PSD3: variants seen among roughly 807,000 people sequenced by gnomAD.
PSD3 encodes PH and SEC7 domain-containing protein 3.
In PSD3, 49 loss-of-function variants were observed where a neutral mutation model predicts 105.5. The observed-to-expected ratio is 0.46, with a 90% CI of 0.37 to 0.59. The LOEUF (loss-of-function observed/expected upper bound fraction) is 0.59. Among genes scored for constraint, PSD3 ranks in the 20% least tolerant of loss-of-function variants. PSD3 has a pLI of 0.00. For missense variants in PSD3, 1,561 were observed against 1,263.8 expected (o/e 1.24, Z -3.57); for synonymous variants, 557 against 457.8 (o/e 1.22, Z -2.77).
chr8:18,745,780 T>C (rs1192123463), intron 9 of PSD3, among the ~76,000 whole-genome samples: 1 of 152,234 alleles, frequency 6.6e-6, no homozygotes, highest in Non-Finnish European at 1.5e-5. Flanking sequence ...CACCTACGTT[T>C]CTGCATCAAT....
chr8:18,856,591 TCTATA>T (rs1345931821), intron 4 of PSD3, among the ~76,000 whole-genome samples: 2 of 152,246 alleles, frequency 1.3e-5, no homozygotes, highest in Admixed American at 6.5e-5. Context: ...TCTTATTTTC[TCTATA>T]CTAAAGACTT....
chr8:18,930,355 CA>C (rs1255473227), intron 2 of PSD3, among the ~76,000 whole-genome samples: 2 of 152,162 alleles, frequency 1.3e-5, no homozygotes, highest in East Asian at 1.9e-4. Flanking sequence ...ACGCACACTG[CA>C]AAGTCTACCA....
chr8:18,626,948 G>C (rs1170742391), intron 11 of PSD3, among the ~76,000 whole-genome samples: 1 of 151,984 alleles, frequency 6.6e-6, no homozygotes, highest in Non-Finnish European at 1.5e-5. Flanking sequence ...TCTTAAAGCG[G>C]GAAGCAACTG....
At chr8:19,053,250 C>A (rs1315173861) in intron 1 of PSD3, among the ~76,000 whole-genome samples, 3 of 152,078 alleles carry the variant, frequency 2.0e-5, no homozygotes, top group African/African-American at 7.2e-5. Context: ...GTGGTGGGAA[C>A]AAATGGGGAT....
chr8:19,066,060 C>T (rs1829066338), intron 1 of PSD3, among the ~76,000 whole-genome samples: 1 of 152,166 alleles, frequency 6.6e-6, no homozygotes, highest in Non-Finnish European at 1.5e-5. Context: ...AACTCACCTC[C>T]CTTGGTCAAG....
At position 18,685,705 on chromosome 8, in the gene PSD3, A is replaced by T. The variant is rs548197945; in HGVS notation, c.2173-30020T>A. 7.4e-4 allele frequency among the ~76,000 whole-genome samples: 113 copies of T among 152,294 alleles called. 2 individuals carry two copies. The South Asian group carries it at 0.023, about 30-fold the overall frequency. On this transcript the variant is annotated intron_variant, in intron 9 of 15. Coordinates refer to ENST00000327040, the MANE Select transcript of PSD3 (RefSeq NM_015310.4). ...ATTCCAAAGACATAAAAAGTGGTGT[A>T]CTATAGCAGTAAAATAAAATCGATC...
intron 1 of PSD3, among the ~76,000 whole-genome samples, chr8:19,061,765 A>G (rs1828904510): frequency 6.6e-6 from 1 of 150,598 alleles, no homozygotes; most frequent in South Asian, 2.1e-4. Flanking sequence ...AGATTGTGCC[A>G]CTCTACTCCA....
Position 18,843,127 on chromosome 8 carries a change from G to A in PSD3, c.1634+24547C>T, listed in dbSNP as rs151023129. Among the ~76,000 whole-genome samples, 1,103 of 152,190 alleles carry A rather than the reference G, an allele frequency of 7.2e-3. 20 individuals are homozygous for A. Among genetic ancestry groups the A allele is most frequent in the African/African-American group, 0.025 (1,042 of 41,516 alleles). On this transcript the variant is annotated intron_variant, in intron 4 of 15. Transcript: ENST00000327040. ...GAGTTATTGCTCTCTTTGGGAGGCC[G>A]AGACGGGCGGATCACGAGGTCAGGC...
In PSD3 at chr8:18,628,607, C is replaced by T. The variant is rs73585843; in HGVS notation, c.2410+4006G>A. 2.0e-3 allele frequency among the ~76,000 whole-genome samples: 310 copies of T among 151,796 alleles called. 2 individuals are homozygous for T. Among genetic ancestry groups the T allele is most frequent in the African/African-American group, 7.2e-3 (299 of 41,444 alleles). On this transcript the variant is annotated intron_variant, in intron 11 of 15. Coordinates refer to ENST00000327040, the MANE Select transcript of PSD3 (RefSeq NM_015310.4). ...GTAAAAAAAAGGTTTCTGCTTAAAG[C>T]AAAAATATTAACAATGAACTACTTT...
chr8:18,538,036 T>C (rs532973266), intron 15 of PSD3, among the ~76,000 whole-genome samples: 2 of 152,214 alleles, frequency 1.3e-5, no homozygotes, highest in Non-Finnish European at 2.9e-5. Flanking sequence ...TGCTGCCCCG[T>C]GACATGGGCA....
chr8:18,667,329 A>T (rs1799528683), intron 9 of PSD3, among the ~76,000 whole-genome samples: 1 of 152,188 alleles, frequency 6.6e-6, no homozygotes, highest in Non-Finnish European at 1.5e-5. Flanking sequence ...AGCTAGATAC[A>T]GAGTGCTGAT....
intron 1 of PSD3, among the ~76,000 whole-genome samples, chr8:18,972,932 G>A (rs982770200): frequency 5.9e-5 from 9 of 152,178 alleles, no homozygotes; most frequent in Non-Finnish European, 1.3e-4. Context: ...CCTGTCCAAC[G>A]AGGTTTTAAA....
At chr8:18,717,708 T>A (rs1802691294) in intron 9 of PSD3, among the ~76,000 whole-genome samples, 1 of 152,244 alleles carries the variant, frequency 6.6e-6, no homozygotes, top group South Asian at 2.1e-4. Context: ...ACTCCTGACT[T>A]TTTGACTCAG....
chr8:18,702,155 G>T (rs901733), intron 9 of PSD3, among the ~76,000 whole-genome samples: 122,954 of 152,094 alleles, frequency 0.81, 51,677 homozygotes, highest in Non-Finnish European at 0.94. Flanking sequence ...ATCTGTAGAG[G>T]AAGGCTGAAA....
At chr8:18,729,030 T>G (rs1214460349) in intron 9 of PSD3, among the ~76,000 whole-genome samples, 1 of 152,202 alleles carries the variant, frequency 6.6e-6, no homozygotes, top group Non-Finnish European at 1.5e-5. Context: ...AACCTGTTGA[T>G]TTGAAAACTT....
chr8:18,824,678 G>A (rs537083797), intron 4 of PSD3, among the ~76,000 whole-genome samples: 1 of 152,278 alleles, frequency 6.6e-6, no homozygotes, highest in East Asian at 1.9e-4. Flanking sequence ...TATTATCTAT[G>A]GTAAATGCTA....
At chr8:18,989,193 C>T (rs1454156011) in intron 1 of PSD3, 1 of 152,304 alleles carries the variant, frequency 6.6e-6, no homozygotes, top group Non-Finnish European at 1.5e-5. Flanking sequence ...CTCCTGTGCA[C>T]TGGAGCTAGA....
intron 15 of PSD3, among the ~76,000 whole-genome samples, chr8:18,538,806 T>C (rs1799977603): frequency 6.6e-6 from 1 of 152,186 alleles, no homozygotes; most frequent in Non-Finnish European, 1.5e-5. Flanking sequence ...GCAAAGCTAT[T>C]GTCTTAAATA....
At chr8:18,723,440 T>C (rs1380329469) in intron 9 of PSD3, among the ~76,000 whole-genome samples, 2 of 152,248 alleles carry the variant, frequency 1.3e-5, no homozygotes, top group Non-Finnish European at 2.9e-5. Context: ...TAAAAAGATC[T>C]TCAGTAGCTA....
Sources: gnomAD v4.1 joint callset for allele counts (sites outside exome capture counted in the v4.1 genomes callset) on GRCh38, gnomAD v4.1.1 for gene constraint, MANE v1.5 for transcripts, NCBI Gene and HGNC (gene_info 2026-07-23, HGNC 2026-07-21) for gene names.